Variants in COL12A1 observed in about 807,000 individuals in gnomAD.
COL12A1 encodes collagen alpha-1(XII) chain.
In COL12A1, 114 loss-of-function variants were observed where a neutral mutation model predicts 349.7. That is an observed-to-expected ratio of 0.33 (90% confidence interval 0.28 to 0.38). The LOEUF (loss-of-function observed/expected upper bound fraction) is 0.38, where lower values mean the gene tolerates loss of function less well. Among genes scored for constraint, COL12A1 ranks in the 10% least tolerant of loss-of-function variants. COL12A1 has a pLI of 1.00. For missense variants in COL12A1, 3,284 were observed against 3,756.9 expected, an observed-to-expected ratio of 0.87 and a Z score of 3.29; for synonymous variants, 1,369 against 1,329.0, an observed-to-expected ratio of 1.03 and a Z score of -0.66.
At chr6:75,192,098 ATAGT>A (rs1413313108) in intron 4 of COL12A1, 110 bp downstream of exon 4, 6 of 785,628 alleles carry the variant, frequency 7.6e-6, no homozygotes, top group Non-Finnish European at 1.1e-5. Flanking sequence ...CCAGAAAAAA[ATAGT>A]TAGTACTGCT....
At chr6:75,176,297 T>C (rs982870521) in intron 12 of COL12A1, among the ~76,000 whole-genome samples, 1 of 142,696 alleles carries the variant, frequency 7.0e-6, no homozygotes, top group African/African-American at 2.7e-5. Flanking sequence ...AGTGATACAG[T>C]GTGAGGTGGG....
chr6:75,116,936 A>G (rs1769112892), intron 47 of COL12A1, among the ~76,000 whole-genome samples: 4 of 152,292 alleles, frequency 2.6e-5, no homozygotes, highest in Middle Eastern at 6.8e-3. Context: ...TTGAAAATCT[A>G]AACCCAAACA....
rs1204144437 is a variant in COL12A1, at chr6:75,151,983, C to A, written c.3884G>T (p.Gly1295Val). 1 of 1,613,738 alleles carries A rather than the reference C, an allele frequency of 6.2e-7. No homozygotes were observed. Among genetic ancestry groups the A allele is most frequent in the East Asian group, 2.2e-5 (1 of 44,882 alleles). The change falls in exon 20 of 66, where the codon GGC becomes GTC. Residue 1295 changes from glycine to valine, a missense_variant. By Grantham distance (109) the Gly-to-Val change is moderately radical. Around this residue, in one of 2 missense-constraint regions of COL12A1, gnomAD observed 2,601 missense variants for 2,824.8 expected, o/e 0.92. Transcript: ENST00000322507. ...IRQQNFRTQA[G>V]MRPRARKIGV... ...AATTTTTCGAGCTCGAGGTCTCATG[C>A]CAGCTTGGGTCCTGAAGTTCTGTTG...
chr6:75,100,719 A>G (rs1042030112), intron 58 of COL12A1, among the ~76,000 whole-genome samples: 5 of 152,116 alleles, frequency 3.3e-5, no homozygotes, highest in African/African-American at 7.2e-5. Context: ...TCTCTGCCCA[A>G]TGGTGTCTTG....
chr6:75,193,803 A>G (rs1770079995), intron 3 of COL12A1, among the ~76,000 whole-genome samples: 1 of 143,728 alleles, frequency 7.0e-6, no homozygotes, highest in Non-Finnish European at 1.5e-5. Flanking sequence ...TTCAATTCCC[A>G]CCTATGAGTG....
chr6:75,101,936 T>G (rs1364023462), intron 57 of COL12A1, 63 bp downstream of exon 57: 1 of 1,561,282 alleles, frequency 6.4e-7, no homozygotes, highest in African/African-American at 1.4e-5. Context: ...GTTCACCTTT[T>G]GAGGCACTAG....
chr6:75,141,914 A>G (rs562657211), intron 27 of COL12A1, 118 bp downstream of exon 27: 1 of 1,254,756 alleles, frequency 8.0e-7, no homozygotes, highest in Admixed American at 2.2e-5. Flanking sequence ...CTATGAATCC[A>G]AGCATTATTA....
intron 65 of COL12A1, 92 bp from the exon 66 acceptor site, chr6:75,086,649 TA>T: frequency 9.7e-5 from 1 of 10,346 alleles, no homozygotes; most frequent in Admixed American, 1.3e-3. Flanking sequence ...ATGGTTAAAG[TA>T]TATATATATA....
chr6:75,088,881 G>A (rs933790503), intron 64 of COL12A1, among the ~76,000 whole-genome samples: 2 of 151,964 alleles, frequency 1.3e-5, no homozygotes, highest in South Asian at 4.2e-4. Context: ...GGCGCCTGTA[G>A]TCCCAGCTAC....
At chr6:75,200,030 C>G (rs778055687) in intron 2 of COL12A1, among the ~76,000 whole-genome samples, 3 of 152,000 alleles carry the variant, frequency 2.0e-5, no homozygotes, top group Non-Finnish European at 4.4e-5. Context: ...GGAAAAGAAA[C>G]GTAACTGTGG....
In COL12A1 at chr6:75,116,007, A is replaced by G. The variant is rs879331230; in HGVS notation, c.7558+12T>C. ...TCTGGAAATTAATTTGCCCCAAAGT[A>G]TAAATGCTTACCTGGTGAGGTGTAG... is the stretch of plus-strand genomic sequence containing the variant. On this transcript the variant is annotated intron_variant, in intron 48 of 65. Transcript: ENST00000322507. 4.3e-6 allele frequency: 7 copies of G among 1,613,502 alleles called. No individual in the cohort carries two copies. The highest frequency in any genetic ancestry group is 5.9e-6 in the Non-Finnish European group (7 of 1,179,624).
At chr6:75,159,419 T>C (rs1398264103) in intron 14 of COL12A1, among the ~76,000 whole-genome samples, 3 of 147,258 alleles carry the variant, frequency 2.0e-5, no homozygotes, top group African/African-American at 7.3e-5. Flanking sequence ...TTTATATATA[T>C]AAAATATATA....
chr6:75,155,850 A>C lies in COL12A1; in HGVS notation c.3255T>G (p.Ser1085=), dbSNP rs1767728197. Residue 1085 remains serine, a synonymous_variant, in exon 16 of 66, where the codon TCT becomes TCG. Coordinates refer to ENST00000322507, the MANE Select transcript of COL12A1 (RefSeq NM_004370.6). ...KLRQGSGTTA[S]RFKSPRNLKT... Reference sequence around the variant, plus strand: ...TGAGGTTTCTAGGAGACTTAAACCGAGAAGCTGTAAAGACAAAAAGATTTT... The same window carrying C: ...TGAGGTTTCTAGGAGACTTAAACCGCGAAGCTGTAAAGACAAAAAGATTTT... The C allele has an allele frequency of 1.9e-6, 3 of 1,594,208 alleles. No homozygotes were observed. Among genetic ancestry groups the C allele is most frequent in the East Asian group, 2.2e-5 (1 of 44,554 alleles).
intron 52 of COL12A1, among the ~76,000 whole-genome samples, chr6:75,108,438 A>C (rs925196402): frequency 4.6e-5 from 7 of 152,064 alleles, no homozygotes; most frequent in Non-Finnish European, 1.0e-4. Context: ...TGACAACTTT[A>C]GATTTAAATT....
intron 39 of COL12A1, 123 bp from the exon 40 acceptor site, chr6:75,125,396 A>C: frequency 2.4e-6 from 2 of 822,840 alleles, no homozygotes; most frequent in Non-Finnish European, 3.6e-6. Context: ...GTCCTCATAC[A>C]CTTACTCACT....
intron 43 of COL12A1, 100 bp downstream of exon 43, chr6:75,123,230 G>T: frequency 1.9e-6 from 2 of 1,047,098 alleles, no homozygotes; most frequent in Non-Finnish European, 2.9e-6. Flanking sequence ...TAATAGATCA[G>T]AAATGTTCTA....
chr6:75,186,521 G>A (rs993009003), intron 8 of COL12A1, among the ~76,000 whole-genome samples: 1 of 152,196 alleles, frequency 6.6e-6, no homozygotes, highest in Non-Finnish European at 1.5e-5. Context: ...CTGTTGCTGG[G>A]AGTGTAAATT....
chr6:75,197,530 T>C (rs2149486504), intron 2 of COL12A1, among the ~76,000 whole-genome samples: 1 of 152,190 alleles, frequency 6.6e-6, no homozygotes, highest in East Asian at 1.9e-4. Flanking sequence ...CAGGCTGCTC[T>C]TGAAGTCCTG....
chr6:75,091,457 A>G (rs1001691731), intron 61 of COL12A1, 33 bp downstream of exon 61: 2 of 1,612,816 alleles, frequency 1.2e-6, no homozygotes, highest in African/African-American at 1.3e-5. Context: ...TTTAACACAC[A>G]AAATAAACGT....
Sources: allele counts gnomAD v4.1 joint callset (sites outside exome capture counted in the v4.1 genomes callset), GRCh38; gene constraint gnomAD v4.1.1; regional missense constraint gnomAD v4.1.1; transcripts MANE v1.5; gene names NCBI Gene and HGNC (gene_info 2026-07-23, HGNC 2026-07-21).